The following ANGPT2 variants were observed in gnomAD, a reference collection of about 807,000 sequenced individuals.
ANGPT2 encodes angiopoietin 2, also known as angiopoietin-2.
A neutral mutation model predicts 62.9 loss-of-function variants in ANGPT2; 28 were observed. That is an observed-to-expected ratio of 0.44 (90% CI 0.33 to 0.61). The LOEUF (loss-of-function observed/expected upper bound fraction) is 0.61. Among genes scored for constraint, ANGPT2 ranks in the 20% least tolerant of loss-of-function variants. The pLI is 0.03. For synonymous variants in ANGPT2, 284 were observed against 207.8 expected (o/e 1.37, Z -3.15); for missense variants, 727 against 594.9 (o/e 1.22, Z -2.31).
intron 1 of ANGPT2, among the ~76,000 whole-genome samples, chr8:6,541,552 G>A (rs1444404957): frequency 1.3e-5 from 2 of 152,212 alleles, no homozygotes; most frequent in African/African-American, 2.4e-5. Flanking sequence ...ATGCGGAGAC[G>A]CTCGGCAGGT....
chr8:6,527,716 A>G (rs1232244154), intron 2 of ANGPT2, 40 bp from the exon 3 acceptor site: 8 of 1,541,760 alleles, frequency 5.2e-6, no homozygotes, highest in Non-Finnish European at 7.0e-6. Context: ...ATTATTTTTT[A>G]ATTAGTTTAA....
rs184051328 is a variant in ANGPT2 at position 6,519,204 on chromosome 8, C to T, written c.927+660G>A. Among the ~76,000 whole-genome samples the T allele has an allele frequency of 7.9e-5, 12 of 152,294 alleles. No individual in the cohort carries two copies. The East Asian group carries it at 2.3e-3, about 29-fold the overall frequency. The stretch of plus-strand genomic sequence containing the variant: ...TCCCCAGCGGTTCTCATGGTGTGGA[C>T]CTCAGAATCCTGCGTGTCCCTCAGA... On this transcript the variant is annotated intron_variant, in intron 5 of 8. Coordinates refer to ENST00000629816, the MANE Select transcript of ANGPT2 (RefSeq NM_001118887.2).
In ANGPT2 at chr8:6,562,886, C is replaced by T. The variant is rs1005718399; in HGVS notation, c.49G>A (p.Ala17Thr). The T allele has an allele frequency of 2.5e-6, 4 of 1,608,758 alleles. No individual in the cohort carries two copies. The highest frequency in any genetic ancestry group is 2.2e-5 in the East Asian group (1 of 44,674). The change falls in exon 1 of 9, where the codon GCA (alanine) becomes ACA (threonine). Residue 17 changes from alanine (A) to threonine (T), a missense_variant. Transcript: ENST00000629816. ...FTLSCDLVLA[A>T]AYNNFRKSMD... Reference sequence around the variant, plus strand: ...CTCTTCCGAAAGTTGTTATAGGCTGCGGCCAAGACAAGATCACAGCTCAGA... The same window carrying T: ...CTCTTCCGAAAGTTGTTATAGGCTGTGGCCAAGACAAGATCACAGCTCAGA...
chr8:6,521,119 T>TA, intron 4 of ANGPT2, 59 bp downstream of exon 4: 1 of 1,403,228 alleles, frequency 7.1e-7, no homozygotes, highest in South Asian at 1.3e-5. Context: ...TTTAGTCTTT[T>TA]GAGTGTTTTA....
intron 7 of ANGPT2, 40 bp from the exon 8 acceptor site, chr8:6,509,102 C>T (rs1319942739): frequency 1.9e-6 from 3 of 1,596,530 alleles, no homozygotes; most frequent in Non-Finnish European, 2.6e-6. Flanking sequence ...TGGCTAGGGT[C>T]ATTGATTTAC....
intron 1 of ANGPT2, among the ~76,000 whole-genome samples, chr8:6,550,544 T>A (rs1276808163): frequency 1.3e-5 from 2 of 152,318 alleles, no homozygotes; most frequent in East Asian, 3.9e-4. Flanking sequence ...TTTTCCACAT[T>A]TGTTCCCACT....
intron 5 of ANGPT2, among the ~76,000 whole-genome samples, chr8:6,518,077 C>G (rs1816622604): frequency 6.6e-6 from 1 of 151,764 alleles, no homozygotes; most frequent in Non-Finnish European, 1.5e-5. Context: ...TTCAGTTATT[C>G]TGGGGGCCAT....
At chr8:6,532,281 T>G (rs1819666567) in intron 2 of ANGPT2, 51 bp downstream of exon 2, 2 of 1,610,152 alleles carry the variant, frequency 1.2e-6, no homozygotes, top group Non-Finnish European at 1.7e-6. Context: ...CGCGACTGAG[T>G]GCTAGTCTCT....
Position 6,543,279 on chromosome 8 carries a change from G to A in ANGPT2, c.289-10792C>T, listed in dbSNP as rs9644414. ...ACACAAGCCATCTTCTGTACATGAA[G>A]ATGCACTACTGACCCGCCGTCCGCA... On this transcript the variant is annotated intron_variant, in intron 1 of 8. Coordinates refer to ENST00000629816, the MANE Select transcript of ANGPT2 (RefSeq NM_001118887.2). Among the ~76,000 whole-genome samples the A allele has an allele frequency of 0.014, 2,090 of 152,256 alleles. 150 individuals are homozygous for A. In the East Asian group the frequency reaches 0.22, roughly 16 times the overall value.
In ANGPT2 at chr8:6,562,681, T is replaced by C. The variant is rs1825742588; in HGVS notation, c.254A>G (p.Asn85Ser). 6.2e-7 allele frequency: 1 copy of C among 1,603,268 alleles called. No homozygotes were observed. The highest frequency in any genetic ancestry group is 8.5e-7 in the Non-Finnish European group (1 of 1,171,266). Residue 85 changes from asparagine to serine, a missense_variant, in exon 1 of 9, where the codon AAC becomes AGC. Physicochemically the swap from Asn to Ser is conservative, Grantham distance 46. Transcript: ENST00000629816. Reference protein sequence around the residue: ...DSVQRLQVLENIMENNTQWLM... With the variant: ...DSVQRLQVLESIMENNTQWLM... Reference sequence around the variant, plus strand: ...CCACTGAGTGTTGTTTTCCATGATGTTCTCCAGCACTTGCAGCCTCTGCAC... The same window carrying C: ...CCACTGAGTGTTGTTTTCCATGATGCTCTCCAGCACTTGCAGCCTCTGCAC...
chr8:6,530,377 C>T (rs1372222543), intron 2 of ANGPT2, among the ~76,000 whole-genome samples: 1 of 151,936 alleles, frequency 6.6e-6, no homozygotes, highest in African/African-American at 2.4e-5. Context: ...GGTGTGGTAG[C>T]CTGCACCTGT....
At chr8:6,547,773 T>A (rs1460942780) in intron 1 of ANGPT2, among the ~76,000 whole-genome samples, 2 of 151,830 alleles carry the variant, frequency 1.3e-5, no homozygotes, top group East Asian at 3.9e-4. Context: ...GAACAAAAGC[T>A]CCCATGCCGG....
At chr8:6,555,476 T>C (rs979719800) in intron 1 of ANGPT2, among the ~76,000 whole-genome samples, 9 of 151,788 alleles carry the variant, frequency 5.9e-5, no homozygotes, top group Middle Eastern at 3.2e-3. Context: ...TTTTTTTTTT[T>C]TTGGAGACAG....
At chr8:6,505,260 T>TATATTC (rs1586181398) in intron 8 of ANGPT2, among the ~76,000 whole-genome samples, 2 of 23,890 alleles carry the variant, frequency 8.4e-5, no homozygotes, top group Non-Finnish European at 1.7e-4. Flanking sequence ...TTTATATATG[T>TATATTC]TTTATATATA....
At chr8:6,562,620 A>C (rs1447551935) in intron 1 of ANGPT2, 27 bp downstream of exon 1, 4 of 1,316,898 alleles carry the variant, frequency 3.0e-6, no homozygotes, top group Non-Finnish European at 3.0e-6. Context: ...TAGCATGTTC[A>C]CAAAGACAGA....
At position 6,519,892 on chromosome 8, in the gene ANGPT2, G is replaced by A. The variant is rs1340794985; in HGVS notation, c.899C>T (p.Thr300Ile). 1.2e-6 allele frequency: 2 copies of A among 1,614,086 alleles called. No individual in the cohort carries two copies. The highest frequency in any genetic ancestry group is 2.2e-5 in the East Asian group (1 of 44,878). Reference sequence around the variant, plus strand: ...GATCTCTTCTGTAGAATTAGGGAATGTTAACGTGTAGATGCCATTCGTGGT... The same window carrying A: ...GATCTCTTCTGTAGAATTAGGGAATATTAACGTGTAGATGCCATTCGTGGT... ...GHTTNGIYTL[T>I]FPNSTEEIKA... is the part of the protein sequence containing the mutation. Residue 300 changes from threonine (T) to isoleucine (I), a missense_variant, in exon 5 of 9, where the codon ACA becomes ATA. Coordinates refer to ENST00000629816, the MANE Select transcript of ANGPT2 (RefSeq NM_001118887.2).
chr8:6,540,948 G>A (rs948191364), intron 1 of ANGPT2, among the ~76,000 whole-genome samples: 1 of 152,244 alleles, frequency 6.6e-6, no homozygotes, highest in Non-Finnish European at 1.5e-5. Context: ...CCTGGGGCAA[G>A]AATGGGGACT....
intron 1 of ANGPT2, among the ~76,000 whole-genome samples, chr8:6,543,499 G>A (rs1045438687): frequency 1.3e-5 from 2 of 152,310 alleles, no homozygotes; most frequent in East Asian, 1.9e-4. Flanking sequence ...TGCGTGGGTC[G>A]TGGGGAGCAT....
chr8:6,516,275 C>G (rs919353683), intron 5 of ANGPT2, among the ~76,000 whole-genome samples: 2 of 152,188 alleles, frequency 1.3e-5, no homozygotes, highest in African/African-American at 4.8e-5. Flanking sequence ...AAGTACTCTG[C>G]CAGATACTTT....
Sources: gnomAD v4.1 joint callset for allele counts (sites outside exome capture counted in the v4.1 genomes callset) on GRCh38, gnomAD v4.1.1 for gene constraint, MANE v1.5 for transcripts, NCBI Gene and HGNC (gene_info 2026-07-23, HGNC 2026-07-21) for gene names.